NEXMIF: variants seen among roughly 807,000 people sequenced by gnomAD.
NEXMIF encodes the protein neurite extension and migration factor.
NEXMIF carries 8 observed loss-of-function variants against 62.1 expected under a neutral mutation model. The ratio of observed to expected loss-of-function variants is 0.13; its 90% CI spans 0.08 to 0.23. The LOEUF (loss-of-function observed/expected upper bound fraction) is 0.23. Among genes scored for constraint, NEXMIF ranks in the 10% least tolerant of loss-of-function variants. The probability of loss-of-function intolerance (pLI) is 1.00; values close to 1 mark genes in which losing one functional copy is unlikely to be tolerated. For missense variants in NEXMIF, 976 were observed against 1,113.3 expected (o/e 0.88, Z 1.75); for synonymous variants, 404 against 416.6 (o/e 0.97, Z 0.37).
At chrX:74,796,622 G>T (rs1316115496) in intron 1 of NEXMIF, among the ~76,000 whole-genome samples, 1 of 110,171 alleles carries the variant, frequency 9.1e-6, no homozygotes, top group Non-Finnish European at 1.9e-5. Flanking sequence ...TGTGTTTAAA[G>T]GGACGCAGGA....
At chrX:74,847,069 A>C (rs1444034489) in intron 1 of NEXMIF, among the ~76,000 whole-genome samples, 1 of 112,485 alleles carries the variant, frequency 8.9e-6, no homozygotes, top group East Asian at 2.8e-4. Context: ...TCTGCCTCAT[A>C]AAGCAAAGTG....
intron 1 of NEXMIF, among the ~76,000 whole-genome samples, chrX:74,852,297 C>A (rs985675729): frequency 9.0e-6 from 1 of 111,402 alleles, no homozygotes; most frequent in Non-Finnish European, 1.9e-5. Flanking sequence ...GCACCCAACA[C>A]CAGGCCACCC....
chrX:74,900,150 C>T (rs780894936), intron 1 of NEXMIF, among the ~76,000 whole-genome samples: 1 of 111,405 alleles, frequency 9.0e-6, no homozygotes, highest in South Asian at 3.8e-4. Context: ...TATCACCTTA[C>T]ACCCATTAGG....
chrX:74,914,640 C>T (rs1171089537), intron 1 of NEXMIF, among the ~76,000 whole-genome samples: 4 of 111,921 alleles, frequency 3.6e-5, no homozygotes, highest in African/African-American at 1.3e-4. Flanking sequence ...GAGATTGTGC[C>T]ACTGCACTCC....
At chrX:74,921,798 T>C (rs2080828021) in intron 1 of NEXMIF, among the ~76,000 whole-genome samples, 1 of 111,687 alleles carries the variant, frequency 9.0e-6, no homozygotes, top group Admixed American at 9.5e-5. Context: ...GACCTACTCC[T>C]TAGTCAATCA....
In NEXMIF at chrX:74,734,414, G is replaced by T. The variant is rs1291855761; in HGVS notation, c.*4991C>A. The T allele has an allele frequency of 1.8e-5, 2 of 112,170 alleles. No homozygotes were observed. Among genetic ancestry groups the T allele is most frequent in the Non-Finnish European group, 3.8e-5 (2 of 53,140 alleles). The allele number at this position is 112,170 out of a possible 1,213,427, so 9.2% of individuals were successfully genotyped here. A position where few individuals can be genotyped will look rare whatever the true frequency, so the allele number is the denominator to read the frequency against. On this transcript the variant is annotated 3_prime_UTR_variant, in exon 4 of 4. Coordinates refer to ENST00000055682, the MANE Select transcript of NEXMIF (RefSeq NM_001008537.3). ...TCTTAAGATTTCTACTCTCCTCACT[G>T]GGAGTGAAAAACAAAAGGCCTCTTC...
At chrX:74,853,672 C>T (rs1349320757) in intron 1 of NEXMIF, among the ~76,000 whole-genome samples, 1 of 110,653 alleles carries the variant, frequency 9.0e-6, no homozygotes, top group African/African-American at 3.3e-5. Context: ...AAAATAATTT[C>T]TTAATAACTC....
chrX:74,874,702 C>G (rs2080621751), intron 1 of NEXMIF, among the ~76,000 whole-genome samples: 1 of 91,892 alleles, frequency 1.1e-5, no homozygotes, highest in Non-Finnish European at 2.1e-5. Context: ...TTGAAGAGGT[C>G]CTTCACATCC....
chrX:74,781,905 G>A (rs758026680), intron 1 of NEXMIF, among the ~76,000 whole-genome samples: 2 of 112,456 alleles, frequency 1.8e-5, no homozygotes, highest in South Asian at 7.4e-4. Flanking sequence ...TTTAGTTGAG[G>A]CCAGTGGTTT....
chrX:74,913,478 A>G (rs2080797433), intron 1 of NEXMIF, among the ~76,000 whole-genome samples: 1 of 111,619 alleles, frequency 9.0e-6, no homozygotes, highest in Middle Eastern at 4.2e-3. Context: ...GCAGGACAGA[A>G]ACATTATTTG....
chrX:74,759,460 C>T, intron 1 of NEXMIF, among the ~76,000 whole-genome samples: 1 of 112,084 alleles, frequency 8.9e-6, no homozygotes, highest in Non-Finnish European at 1.9e-5. Context: ...GAAATCTTTG[C>T]CTATTCCTAT....
chrX:74,758,811 C>T lies in NEXMIF; in HGVS notation c.-47-13114G>A, dbSNP rs2080167267. ...CTTTATCCTATCTGCTACTGATGAG[C>T]ATTTAGGCTGATCCCATGTCTTTGC... On this transcript the variant is annotated intron_variant, in intron 1 of 3. Coordinates refer to ENST00000055682, the MANE Select transcript of NEXMIF (RefSeq NM_001008537.3). Among the ~76,000 whole-genome samples the T allele has an allele frequency of 2.7e-5, 3 of 112,095 alleles. No homozygotes were observed. The South Asian group carries it at 1.1e-3, about 42-fold the overall frequency.
At chrX:74,878,828 A>G (rs1244330328) in intron 1 of NEXMIF, among the ~76,000 whole-genome samples, 1 of 112,332 alleles carries the variant, frequency 8.9e-6, no homozygotes, top group Non-Finnish European at 1.9e-5. Flanking sequence ...GTGTGAAGCA[A>G]TGCCTTGCCC....
chrX:74,788,795 GC>G (rs1427469567), intron 1 of NEXMIF, among the ~76,000 whole-genome samples: 5 of 109,867 alleles, frequency 4.6e-5, no homozygotes, highest in African/African-American at 1.7e-4. Flanking sequence ...ATATCCCTTT[GC>G]CAAGAAAAGG....
chrX:74,865,454 A>G (rs1352147714), intron 1 of NEXMIF, among the ~76,000 whole-genome samples: 2 of 112,261 alleles, frequency 1.8e-5, no homozygotes, highest in Non-Finnish European at 3.8e-5. Flanking sequence ...AAGGAAGAAG[A>G]GCATAAAAGT....
At chrX:74,858,517 C>G (rs764596556) in intron 1 of NEXMIF, among the ~76,000 whole-genome samples, 1 of 111,815 alleles carries the variant, frequency 8.9e-6, no homozygotes, top group Non-Finnish European at 1.9e-5. Flanking sequence ...CATGCAAGTC[C>G]TTTTAAATAC....
chrX:74,879,516 C>T (rs952574579), intron 1 of NEXMIF, among the ~76,000 whole-genome samples: 1 of 111,888 alleles, frequency 8.9e-6, no homozygotes, highest in South Asian at 3.7e-4. Context: ...TACATTTGGA[C>T]AATTTGTCAT....
chrX:74,836,921 A>C (rs771317599), intron 1 of NEXMIF, among the ~76,000 whole-genome samples: 6 of 110,927 alleles, frequency 5.4e-5, no homozygotes, highest in Non-Finnish European at 9.4e-5. Context: ...AGGACCCCAG[A>C]GCTCTTTTGC....
chrX:74,764,362 C>T (rs950019990), intron 1 of NEXMIF, among the ~76,000 whole-genome samples: 6 of 111,567 alleles, frequency 5.4e-5, no homozygotes, highest in Admixed American at 2.9e-4. Context: ...CTGCTGGATT[C>T]GGTTTGCCAG....
Sources: allele counts gnomAD v4.1 joint callset (sites outside exome capture counted in the v4.1 genomes callset), GRCh38; gene constraint gnomAD v4.1.1; transcripts MANE v1.5; gene names NCBI Gene and HGNC (gene_info 2026-07-23, HGNC 2026-07-21).